The following MALT1 variants were observed in gnomAD, a reference collection of about 807,000 sequenced individuals.
MALT1 encodes mucosa-associated lymphoid tissue lymphoma translocation protein 1.
A neutral mutation model predicts 85.5 loss-of-function variants in MALT1; 36 were observed. That is an observed-to-expected ratio of 0.42 (90% CI 0.32 to 0.56). The LOEUF (loss-of-function observed/expected upper bound fraction) is 0.56. MALT1 is among the 20% of genes least tolerant of loss of function. The pLI, the probability that MALT1 is intolerant of heterozygous loss-of-function variation, is 0.10. For missense variants in MALT1, 716 were observed against 981.6 expected (o/e 0.73, Z 3.62); for synonymous variants, 359 against 361.3 (o/e 0.99, Z 0.07).
chr18:58,748,025 T>C lies in MALT1; in HGVS notation c.*183T>C, dbSNP rs2055395173. On this transcript the variant is annotated 3_prime_UTR_variant, in exon 17 of 17. Transcript: ENST00000649217. Reference sequence around the variant, plus strand: ...TTACATTATTTAATTACAGACTTCCTCTTTCTAAGATTTTGTGAATTGGTT... The same window carrying C: ...TTACATTATTTAATTACAGACTTCCCCTTTCTAAGATTTTGTGAATTGGTT... 3.5e-6 allele frequency: 2 copies of C among 578,910 alleles called. No individual in the cohort carries two copies. Among genetic ancestry groups the C allele is most frequent in the Non-Finnish European group, 6.1e-6 (2 of 326,938 alleles). The allele number at this position is 578,910 out of a possible 1,614,324, so 35.9% of individuals were successfully genotyped here.
In MALT1 at chr18:58,710,942, A is replaced by G; in HGVS notation, c.947A>G (p.Glu316Gly). ...CAAGGAAGAACAGATGAGGCAGTGG[A>G]GTGCACTGAAGGTAGTGTAAGTCTT... is the stretch of plus-strand genomic sequence containing the variant. ...IIIGRTDEAV[E>G]CTEDELNNLG... Residue 316 changes from glutamate (E) to glycine (G), a missense_variant, in exon 7 of 17, where the codon GAG becomes GGG. By Grantham distance (98) the Glu-to-Gly change is moderately conservative (BLOSUM62 -2). This residue lies in a region of MALT1 where 290 missense variants were observed against 380.5 expected (regional missense o/e 0.76). Coordinates refer to ENST00000649217, the MANE Select transcript of MALT1 (RefSeq NM_006785.4). 6.3e-7 allele frequency: 1 copy of G among 1,575,778 alleles called. No individual in the cohort carries two copies. The highest frequency in any genetic ancestry group is 8.6e-7 in the Non-Finnish European group (1 of 1,165,070).
chr18:58,748,583 T>C lies in MALT1; in HGVS notation c.*741T>C, dbSNP rs570619667. On this transcript the variant is annotated 3_prime_UTR_variant, in exon 17 of 17. Transcript: ENST00000649217. ...TGATAAAATGTTTGTTAAAGCTAGA[T>C]AGAGGTTAAGAATCAAGATATAATG... 5 of 188,612 alleles carry C rather than the reference T, an allele frequency of 2.7e-5. No individual in the cohort carries two copies. Among genetic ancestry groups the C allele is most frequent in the African/African-American group, 1.2e-4 (5 of 43,110 alleles). 11.7% of individuals were successfully genotyped at this position (188,612 alleles called of 1,614,324 possible).
chr18:58,734,959 A>C (rs1292628643), intron 12 of MALT1, among the ~76,000 whole-genome samples: 1 of 152,226 alleles, frequency 6.6e-6, no homozygotes, highest in Non-Finnish European at 1.5e-5. Context: ...TACGTATTCA[A>C]TGTGGAATGA....
chr18:58,683,164 T>G (rs9950541), intron 2 of MALT1, among the ~76,000 whole-genome samples: 55,925 of 152,014 alleles, frequency 0.37, 11,246 homozygotes, highest in African/African-American at 0.54. Flanking sequence ...TTTCATACTG[T>G]TAAAGTCCAA....
intron 13 of MALT1, among the ~76,000 whole-genome samples, chr18:58,738,187 A>G (rs1200571099): frequency 6.6e-6 from 1 of 152,170 alleles, no homozygotes; most frequent in Non-Finnish European, 1.5e-5. Flanking sequence ...TTGAGTTTAT[A>G]TATACCCAAA....
At chr18:58,726,162 A>G (rs923883446) in intron 10 of MALT1, among the ~76,000 whole-genome samples, 1 of 152,238 alleles carries the variant, frequency 6.6e-6, no homozygotes, top group East Asian at 1.9e-4. Context: ...CTTTGCCCCA[A>G]TATAAAAACG....
intron 1 of MALT1, chr18:58,672,258 TA>T (rs1302288094): frequency 6.2e-6 from 1 of 162,074 alleles, no homozygotes; most frequent in Non-Finnish European, 1.3e-5. Flanking sequence ...CTGGGAGACC[TA>T]AGGAAGGCTG....
intron 4 of MALT1, among the ~76,000 whole-genome samples, chr18:58,707,970 A>G (rs1191586840): frequency 6.6e-6 from 1 of 152,184 alleles, no homozygotes; most frequent in Non-Finnish European, 1.5e-5. Flanking sequence ...CTTTACATCC[A>G]GAGTCTCAGC....
intron 4 of MALT1, among the ~76,000 whole-genome samples, chr18:58,702,367 T>C (rs1472496023): frequency 1.3e-5 from 2 of 151,972 alleles, no homozygotes; most frequent in East Asian, 3.9e-4. Context: ...CTAGGTGACA[T>C]AGCAAGACCC....
chr18:58,696,681 A>T (rs945764809), intron 3 of MALT1, among the ~76,000 whole-genome samples, 194 bp downstream of exon 3: 5 of 152,186 alleles, frequency 3.3e-5, no homozygotes, highest in African/African-American at 1.2e-4. Context: ...AAAACATTGT[A>T]AACAATAATG....
chr18:58,723,014 T>C (rs758394100), intron 9 of MALT1, 34 bp from the exon 10 acceptor site: 2 of 1,514,110 alleles, frequency 1.3e-6, no homozygotes, highest in African/African-American at 2.8e-5. Flanking sequence ...TCTTTATATC[T>C]TCTTTAAACA....
At chr18:58,679,284 A>C (rs1461390615) in intron 1 of MALT1, among the ~76,000 whole-genome samples, 1 of 152,278 alleles carries the variant, frequency 6.6e-6, no homozygotes. Context: ...GTTTTAATAA[A>C]AGGACAATAA....
chr18:58,732,334 C>CA (rs1016598110), intron 10 of MALT1, among the ~76,000 whole-genome samples: 40 of 151,866 alleles, frequency 2.6e-4, no homozygotes, highest in African/African-American at 9.4e-4. Context: ...TTCAAGAAAA[C>CA]ATTGAGTTGT....
intron 7 of MALT1, 139 bp from the exon 8 acceptor site, chr18:58,713,944 T>C (rs2054866597): frequency 3.8e-6 from 2 of 520,654 alleles, no homozygotes; most frequent in East Asian, 3.7e-5. Context: ...GCATGGCTTC[T>C]TCATTTAATT....
chr18:58,739,591 A>G (rs2055273718), intron 13 of MALT1, among the ~76,000 whole-genome samples: 1 of 152,180 alleles, frequency 6.6e-6, no homozygotes, highest in Non-Finnish European at 1.5e-5. Context: ...CATAATGTGA[A>G]TGGGCCTCAT....
intron 1 of MALT1, among the ~76,000 whole-genome samples, chr18:58,675,655 C>G (rs1379941881): frequency 1.3e-5 from 2 of 152,162 alleles, no homozygotes; most frequent in Non-Finnish European, 2.9e-5. Flanking sequence ...TATTGTCAAC[C>G]TCCAGCATGG....
chr18:58,710,967 T>G lies in MALT1; in HGVS notation c.958+14T>G. ...AGTGCACTGAAGGTAGTGTAAGTCT[T>G]TGGTTTGAAACCAAATCTCCTGCAT... On this transcript the variant is annotated intron_variant, in intron 7 of 16. Coordinates refer to ENST00000649217, the MANE Select transcript of MALT1 (RefSeq NM_006785.4). 1 of 1,564,006 alleles carries G rather than the reference T, an allele frequency of 6.4e-7. No homozygotes were observed. The highest frequency in any genetic ancestry group is 8.6e-7 in the Non-Finnish European group (1 of 1,159,000).
At chr18:58,696,336 A>ATT in intron 2 of MALT1, 30 bp from the exon 3 acceptor site, 4 of 1,166,864 alleles carry the variant, frequency 3.4e-6, no homozygotes, top group Non-Finnish European at 2.2e-6. Context: ...TTGTGACTTT[A>ATT]ATTTTTTTTT....
At chr18:58,710,569 C>T (rs747533633) in intron 6 of MALT1, among the ~76,000 whole-genome samples, 9 of 151,982 alleles carry the variant, frequency 5.9e-5, no homozygotes, top group Non-Finnish European at 1.0e-4. Context: ...TGCACTTGGT[C>T]CCAGCTACTT....
Sources: allele counts gnomAD v4.1 joint callset (sites outside exome capture counted in the v4.1 genomes callset), GRCh38; gene constraint gnomAD v4.1.1; regional missense constraint gnomAD v4.1.1; transcripts MANE v1.5; gene names NCBI Gene and HGNC (gene_info 2026-07-23, HGNC 2026-07-21).